Variants in C4orf36 observed in about 807,000 individuals in gnomAD.
C4orf36 encodes chromosome 4 open reading frame 36.
C4orf36 carries 11 observed loss-of-function variants against 12.2 expected under a neutral mutation model. The observed-to-expected ratio is 0.90, with a 90% CI of 0.57 to 1.49. The LOEUF (loss-of-function observed/expected upper bound fraction) is 1.49, where lower values mean the gene tolerates loss of function less well. Among genes scored for constraint, C4orf36 ranks in the 40% most tolerant of loss-of-function variants. The probability of loss-of-function intolerance (pLI) is 0.00; values close to 1 mark genes in which losing one functional copy is unlikely to be tolerated. For missense variants in C4orf36, 137 were observed against 133.9 expected (o/e 1.02, Z -0.11); for synonymous variants, 54 against 51.3 (o/e 1.05, Z -0.22).
rs1560471171 is a variant in C4orf36, at chr4:86,884,298, A to ACTT, written c.*2+3459_*2+3460insAAG. Among the ~76,000 whole-genome samples, 48 of 125,246 alleles carry ACTT rather than the reference A, an allele frequency of 3.8e-4. 4 individuals carry two copies. Among genetic ancestry groups the ACTT allele is most frequent in the African/African-American group, 1.0e-3 (36 of 35,206 alleles). 82.2% of individuals were successfully genotyped at this position (125,246 alleles called of 152,430 possible). On this transcript the variant is annotated intron_variant, in intron 4 of 4. Transcript: ENST00000295898. Reference sequence around the variant, plus strand: ...AAATTAGGCAGAAGGAAAAAGACTGAATTTTTTTTTTTTTTTTTTTTTTTG... The same window carrying ACTT: ...AAATTAGGCAGAAGGAAAAAGACTGACTTATTTTTTTTTTTTTTTTTTTTTTTG...
the C4orf36 span, among the ~76,000 whole-genome samples, chr4:86,923,632 G>A: frequency 2.0e-5 from 3 of 151,828 alleles, no homozygotes; most frequent in African/African-American, 7.3e-5. Context: ...GGTGGTGGCA[G>A]GCACCTGTAA....
chr4:86,922,474 T>C, the C4orf36 span, among the ~76,000 whole-genome samples: 318 of 152,342 alleles, frequency 2.1e-3, 1 homozygote, highest in Non-Finnish European at 3.5e-3. Flanking sequence ...TTCTTTTTCT[T>C]GTTTGGAGTT....
chr4:86,890,701 C>A (rs923762908), intron 2 of C4orf36, among the ~76,000 whole-genome samples: 2 of 152,098 alleles, frequency 1.3e-5, no homozygotes, highest in African/African-American at 2.4e-5. Flanking sequence ...TCAGCTGATG[C>A]CTAATCAAAC....
At position 86,887,739 on chromosome 4, in the gene C4orf36, G is replaced by A. The variant is rs1578777551; in HGVS notation, c.*2+19C>T. 6.2e-7 allele frequency: 1 copy of A among 1,614,038 alleles called. No individual in the cohort carries two copies. The highest frequency in any genetic ancestry group is 1.7e-5 in the Admixed American group (1 of 60,030). On this transcript the variant is annotated intron_variant, in intron 4 of 4. Transcript: ENST00000295898. ...CTTTGGATGCAAGACACAGAGTACA[G>A]ATTCAATCATGAACTGACTGTCATT...
chr4:86,880,004 C>T (rs1368996269), intron 4 of C4orf36, among the ~76,000 whole-genome samples: 1 of 152,084 alleles, frequency 6.6e-6, no homozygotes, highest in Admixed American at 6.5e-5. Flanking sequence ...GCACACACTA[C>T]CATGCCTGGA....
the C4orf36 span, chr4:86,913,825 CTTTTTTTTTTTTT>C: frequency 1.8e-5 from 11 of 617,704 alleles, no homozygotes; most frequent in African/African-American, 2.4e-4. Flanking sequence ...TTTTCATCCA[CTTTTTTTTTTTTT>C]TTTTTTTTGA....
chr4:86,886,565 A>G (rs1654926640), intron 4 of C4orf36: 1 of 152,250 alleles, frequency 6.6e-6, no homozygotes, highest in African/African-American at 2.4e-5. Flanking sequence ...ACAATGAGAT[A>G]TCATCTCACA....
chr4:86,913,618 C>T, the C4orf36 span: 1 of 1,454,448 alleles, frequency 6.9e-7, no homozygotes, highest in South Asian at 1.2e-5. Context: ...TTAGGAGCAG[C>T]AGGAACTCTG....
chr4:86,907,842 G>A, the C4orf36 span, among the ~76,000 whole-genome samples: 2 of 151,662 alleles, frequency 1.3e-5, no homozygotes, highest in Admixed American at 1.3e-4. Context: ...GGTAGCGCAC[G>A]CCTGTAATCC....
chr4:86,900,899 C>A, the C4orf36 span, among the ~76,000 whole-genome samples: 1 of 152,090 alleles, frequency 6.6e-6, no homozygotes, highest in East Asian at 1.9e-4. Context: ...AAATCTTGGA[C>A]ATTACAATTT....
At chr4:86,888,684 A>G (rs745649619) in intron 2 of C4orf36, among the ~76,000 whole-genome samples, 2 of 152,222 alleles carry the variant, frequency 1.3e-5, no homozygotes, top group South Asian at 2.1e-4. Context: ...TGAGTGTGCA[A>G]TCTGGGAATG....
chr4:86,921,165 CAAAAAA>C, the C4orf36 span, among the ~76,000 whole-genome samples: 1 of 95,018 alleles, frequency 1.1e-5, no homozygotes. Flanking sequence ...AACTCCTTCT[CAAAAAA>C]AAAAAAAAAA....
chr4:86,907,622 G>A, the C4orf36 span, among the ~76,000 whole-genome samples: 31 of 152,048 alleles, frequency 2.0e-4, no homozygotes, highest in African/African-American at 6.8e-4. Context: ...AAGACTCAAG[G>A]GAGGAATGAA....
the C4orf36 span, among the ~76,000 whole-genome samples, chr4:86,931,728 A>G: frequency 6.6e-6 from 1 of 152,158 alleles, no homozygotes; most frequent in South Asian, 2.1e-4. Flanking sequence ...TCATAAGTAT[A>G]TGCTCAGGTT....
At chr4:86,915,557 G>A in the C4orf36 span, among the ~76,000 whole-genome samples, 2 of 152,192 alleles carry the variant, frequency 1.3e-5, no homozygotes, top group Non-Finnish European at 2.9e-5. Context: ...GCCGAGGGGG[G>A]TGGATCACCT....
chr4:86,931,755 G>A, the C4orf36 span, among the ~76,000 whole-genome samples: 15 of 152,204 alleles, frequency 9.9e-5, no homozygotes, highest in African/African-American at 3.4e-4. Flanking sequence ...TATTTGTTCC[G>A]CCAGGTGTGG....
the C4orf36 span, among the ~76,000 whole-genome samples, chr4:86,901,574 A>G: frequency 6.7e-6 from 1 of 148,188 alleles, no homozygotes; most frequent in South Asian, 2.1e-4. Flanking sequence ...CACCCGGCTA[A>G]TTTTTTTTTT....
At chr4:86,909,271 C>A in the C4orf36 span, among the ~76,000 whole-genome samples, 1 of 152,172 alleles carries the variant, frequency 6.6e-6, no homozygotes, top group Non-Finnish European at 1.5e-5. Context: ...TCTCAAGACA[C>A]CAACACTTGG....
At chr4:86,907,594 A>T in the C4orf36 span, among the ~76,000 whole-genome samples, 2 of 152,152 alleles carry the variant, frequency 1.3e-5, no homozygotes, top group Admixed American at 6.5e-5. Flanking sequence ...GGGTATTTTC[A>T]TGAGGAAACA....
Sources: allele counts gnomAD v4.1 joint callset (sites outside exome capture counted in the v4.1 genomes callset), GRCh38; gene constraint gnomAD v4.1.1; transcripts MANE v1.5; gene names NCBI Gene and HGNC (gene_info 2026-07-23, HGNC 2026-07-21).